SRGAP3: variants seen among roughly 807,000 people sequenced by gnomAD.
SRGAP3 encodes SLIT-ROBO Rho GTPase activating protein 3.
Under a neutral mutation model 121.1 loss-of-function variants are expected in SRGAP3, and 39 were observed. The ratio of observed to expected loss-of-function variants is 0.32; its 90% CI spans 0.25 to 0.42. The LOEUF (loss-of-function observed/expected upper bound fraction) is 0.42, where lower values mean the gene tolerates loss of function less well. Among genes scored for constraint, SRGAP3 ranks in the 10% least tolerant of loss-of-function variants. The pLI, the probability that SRGAP3 is intolerant of heterozygous loss-of-function variation, is 1.00. For synonymous variants in SRGAP3, 601 were observed against 570.0 expected (o/e 1.05, Z -0.77); for missense variants, 1,213 against 1,470.6 (o/e 0.82, Z 2.86).
chr3:9,161,540 C>G (rs1490775807), intron 1 of SRGAP3, among the ~76,000 whole-genome samples: 2 of 152,246 alleles, frequency 1.3e-5, no homozygotes, highest in Non-Finnish European at 2.9e-5. Flanking sequence ...AAACCCTGCT[C>G]TATCTCCACA....
chr3:9,058,425 G>C lies in SRGAP3; in HGVS notation c.849C>G (p.Thr283=), dbSNP rs200726078. The change falls in exon 7 of 22, where the codon ACC becomes ACG. Residue 283 remains threonine (T), a synonymous_variant. Coordinates refer to ENST00000383836, the MANE Select transcript of SRGAP3 (RefSeq NM_014850.4). ...FHASLARTFR[T]YLSAEYNLET... ...CCAGGTTGTATTCAGCTGAGAGATA[G>C]GTCCGGAAGGTGCGGGCCAGGCTGG... The C allele has an allele frequency of 1.2e-3, 2,002 of 1,614,194 alleles. 43 individuals are homozygous for C. The South Asian group carries it at 0.021, about 17-fold the overall frequency.
intron 3 of SRGAP3, among the ~76,000 whole-genome samples, chr3:9,321,392 T>C (rs1313244408): frequency 6.6e-6 from 1 of 151,970 alleles, no homozygotes; most frequent in African/African-American, 2.4e-5. Flanking sequence ...TAGTTTGTTA[T>C]ATAGCAATAG....
chr3:9,028,742 T>G (rs1944333910), intron 12 of SRGAP3, among the ~76,000 whole-genome samples: 1 of 152,184 alleles, frequency 6.6e-6, no homozygotes, highest in Non-Finnish European at 1.5e-5. Context: ...CCGTACACCC[T>G]AAGTTGCTTT....
At chr3:9,028,080 T>C (rs368006465) in intron 12 of SRGAP3, 11 of 1,614,036 alleles carry the variant, frequency 6.8e-6, no homozygotes, top group Middle Eastern at 1.6e-4. Context: ...ATGGGGCTAA[T>C]GGGCCTTTCT....
chr3:9,266,371 T>G (rs568687931), intron 3 of SRGAP3, among the ~76,000 whole-genome samples: 2 of 150,944 alleles, frequency 1.3e-5, no homozygotes, highest in South Asian at 2.1e-4. Context: ...TAAAGTATAA[T>G]AATTAAAAAA....
rs1221835213 is a variant in SRGAP3 at position 9,239,131 on chromosome 3, G to A, written c.67+9754C>T. 2.0e-5 allele frequency among the ~76,000 whole-genome samples: 3 copies of A among 152,162 alleles called. No individual in the cohort carries two copies. The highest frequency in any genetic ancestry group is 7.2e-5 in the African/African-American group (3 of 41,440). ...GCAGTGGCTCACACCTATAATCCCA[G>A]CATTTTGGGAGGCCAAGGTGGGAGG... On this transcript the variant is annotated intron_variant, in intron 1 of 21. Coordinates refer to ENST00000383836, the MANE Select transcript of SRGAP3 (RefSeq NM_014850.4). This position sits in a 1 kb window ranked among gnomAD's most constrained non-coding sequence, Gnocchi z 4.0.
chr3:9,221,772 C>T (rs1266661710), intron 1 of SRGAP3, among the ~76,000 whole-genome samples: 1 of 152,202 alleles, frequency 6.6e-6, no homozygotes, highest in Non-Finnish European at 1.5e-5. Context: ...CCTCTCCTGA[C>T]TCCATCTTTT....
At chr3:9,287,696 C>G (rs887178335) in intron 3 of SRGAP3, among the ~76,000 whole-genome samples, 9 of 152,180 alleles carry the variant, frequency 5.9e-5, no homozygotes, top group Non-Finnish European at 1.3e-4. Flanking sequence ...AAAGCCCAGA[C>G]TTCAACATTA....
At position 9,362,236 on chromosome 3, in the gene SRGAP3, G is replaced by C. The variant is rs1476281523; in HGVS notation, n.214+604C>G. ...ACTGGAGTGCAGTGGCACAATCTTG[G>C]CTCTCTGCAACCTCTGCCTCCTGGG... On this transcript the variant is annotated intron_variant and non_coding_transcript_variant, in intron 1 of 3. Transcript: ENST00000490889. 1.1e-4 allele frequency among the ~76,000 whole-genome samples: 5 copies of C among 46,622 alleles called. No individual in the cohort carries two copies. The East Asian group carries it at 3.4e-3, about 32-fold the overall frequency. 30.6% of individuals were successfully genotyped at this position (46,622 alleles called of 152,430 possible).
chr3:9,263,706 G>C (rs1021330816), intron 3 of SRGAP3, among the ~76,000 whole-genome samples: 1 of 152,134 alleles, frequency 6.6e-6, no homozygotes, highest in African/African-American at 2.4e-5. Flanking sequence ...CCAATAACAA[G>C]TTCTGAAATT....
chr3:9,358,707 T>C (rs1249077929), intron 1 of SRGAP3, among the ~76,000 whole-genome samples: 1 of 152,232 alleles, frequency 6.6e-6, no homozygotes, highest in East Asian at 1.9e-4. Flanking sequence ...AGGCTTTAAG[T>C]TGGGGTTTCC....
chr3:9,072,233 C>T (rs1946757019), intron 4 of SRGAP3, among the ~76,000 whole-genome samples: 1 of 152,196 alleles, frequency 6.6e-6, no homozygotes, highest in South Asian at 2.1e-4. Flanking sequence ...CCTTCTGCCC[C>T]TCTCTGCACC....
chr3:8,992,048 G>A (rs550068207), intron 20 of SRGAP3, among the ~76,000 whole-genome samples: 1 of 152,254 alleles, frequency 6.6e-6, no homozygotes, highest in East Asian at 1.9e-4. Flanking sequence ...ACAGTGCCCC[G>A]AGCTATCTGC....
intron 1 of SRGAP3, chr3:9,194,514 T>C (rs1560391436): frequency 6.6e-6 from 1 of 152,232 alleles, no homozygotes; most frequent in African/African-American, 2.4e-5. Context: ...GTTCTGCAGG[T>C]AATACAGTGA....
chr3:9,281,775 C>G (rs926734205), intron 3 of SRGAP3, among the ~76,000 whole-genome samples: 1 of 152,040 alleles, frequency 6.6e-6, no homozygotes, highest in African/African-American at 2.4e-5. Flanking sequence ...CGGGTTCAAG[C>G]GATTCTCATG....
At chr3:9,062,690 G>A (rs1384280357) in intron 5 of SRGAP3, among the ~76,000 whole-genome samples, 1 of 152,194 alleles carries the variant, frequency 6.6e-6, no homozygotes, top group Non-Finnish European at 1.5e-5. Context: ...CCATGTTGCA[G>A]CATTTGTCAG....
At chr3:9,289,529 T>A (rs1473899823) in intron 3 of SRGAP3, among the ~76,000 whole-genome samples, 1 of 152,228 alleles carries the variant, frequency 6.6e-6, no homozygotes, top group Non-Finnish European at 1.5e-5. Context: ...TGTGAATTCA[T>A]GTTATAGATC....
At chr3:9,309,914 A>T (rs1239251203) in intron 3 of SRGAP3, among the ~76,000 whole-genome samples, 1 of 152,194 alleles carries the variant, frequency 6.6e-6, no homozygotes, top group African/African-American at 2.4e-5. Context: ...TCATTCACTT[A>T]TTCATGCAAT....
intron 4 of SRGAP3, among the ~76,000 whole-genome samples, chr3:9,074,856 C>G (rs1040079497): frequency 1.3e-5 from 2 of 152,198 alleles, no homozygotes; most frequent in African/African-American, 4.8e-5. Context: ...CCAGCTGCTA[C>G]TGGGTATGAA....
Sources: gnomAD v4.1 joint callset for allele counts (sites outside exome capture counted in the v4.1 genomes callset) on GRCh38, gnomAD v4.1.1 for gene constraint, Gnocchi (gnomAD v3.1) non-coding constraint, MANE v1.5 for transcripts, NCBI Gene and HGNC (gene_info 2026-07-23, HGNC 2026-07-21) for gene names.